NIF3L1: variants seen among roughly 807,000 people sequenced by gnomAD.
NIF3L1 encodes the protein NGG1 interacting factor 3 like 1, also known as NIF3-like protein 1.
Under a neutral mutation model 35.0 loss-of-function variants are expected in NIF3L1, and 26 were observed. The ratio of observed to expected loss-of-function variants is 0.74; its 90% CI spans 0.54 to 1.03. The LOEUF (loss-of-function observed/expected upper bound fraction) is 1.03, where lower values mean the gene tolerates loss of function less well. Among genes scored for constraint, NIF3L1 ranks in the 50% least tolerant of loss-of-function variants. The pLI is 0.00. For missense variants in NIF3L1, 449 were observed against 466.3 expected, an observed-to-expected ratio of 0.96 and a Z score of 0.34; for synonymous variants, 157 against 178.9, an observed-to-expected ratio of 0.88 and a Z score of 0.98.
chr2:200,900,244 G>A (rs17533364), intron 6 of NIF3L1, among the ~76,000 whole-genome samples: 4,205 of 152,120 alleles, frequency 0.028, 104 homozygotes, highest in Middle Eastern at 0.088. Flanking sequence ...TCTCATTTAG[G>A]ATACTACCTA....
rs908602163 is a variant in NIF3L1, at chr2:200,903,835, C to T, written c.*157C>T. 2.4e-5 allele frequency: 16 copies of T among 661,458 alleles called. No homozygotes were observed. Among genetic ancestry groups the T allele is most frequent in the African/African-American group, 1.3e-4 (7 of 55,722 alleles). 41.0% of individuals were successfully genotyped at this position (661,458 alleles called of 1,614,324 possible). A position where few individuals can be genotyped will look rare whatever the true frequency, so the allele number is the denominator to read the frequency against. ...CTTATTCACCAAATGTTCTATCGCT[C>T]GTAAGGTAAAACTGTAATATAACTA... On this transcript the variant is annotated 3_prime_UTR_variant, in exon 7 of 7. Transcript: ENST00000409020.
Position 200,892,269 on chromosome 2 carries a change from A to G in NIF3L1, c.326A>G (p.Lys109Arg). Reference sequence around the variant, plus strand: ...AAGCGCATAACCTGGAACACATGGAAGGAGCGCCTGGTGATCCGGGCTCTG... The same window carrying G: ...AAGCGCATAACCTGGAACACATGGAGGGAGCGCCTGGTGATCCGGGCTCTG... ...PMKRITWNTW[K>R]ERLVIRALEN... The change falls in exon 2 of 7, where the codon AAG becomes AGG. Residue 109 changes from lysine to arginine, a missense_variant. Physicochemically the swap from Lys to Arg is conservative, Grantham distance 26. Transcript: ENST00000409020. 1 of 1,614,180 alleles carries G rather than the reference A, an allele frequency of 6.2e-7. No homozygotes were observed. Among genetic ancestry groups the G allele is most frequent in the Non-Finnish European group, 8.5e-7 (1 of 1,180,036 alleles).
chr2:200,895,650 G>C lies in NIF3L1; in HGVS notation c.726+260G>C, dbSNP rs190961325. ...TCTAAAGTACAAAATGGCAATGAGA[G>C]CATAATATTCTCTAGGAAGTAATTG... On this transcript the variant is annotated intron_variant, in intron 4 of 6. Coordinates refer to ENST00000409020, the MANE Select transcript of NIF3L1 (RefSeq NM_001369441.2). Among the ~76,000 whole-genome samples the C allele has an allele frequency of 5.5e-4, 84 of 152,306 alleles. 1 individual carries two copies. Among genetic ancestry groups the C allele is most frequent in the Non-Finnish European group, 9.3e-4 (63 of 68,030 alleles).
At chr2:200,899,070 A>G (rs1244520246) in intron 5 of NIF3L1, 1 of 270,310 alleles carries the variant, frequency 3.7e-6, no homozygotes, top group East Asian at 8.3e-5. Flanking sequence ...ATAGATTAGC[A>G]TGGCCCCTAT....
intron 6 of NIF3L1, among the ~76,000 whole-genome samples, chr2:200,900,078 T>C (rs1350537157): frequency 3.9e-5 from 6 of 152,194 alleles, no homozygotes; most frequent in Non-Finnish European, 5.9e-5. Context: ...GAATGCCTTT[T>C]CCTTGTACTC....
chr2:200,903,894 T>A lies in NIF3L1; in HGVS notation c.*216T>A. The A allele has an allele frequency of 3.6e-6, 2 of 554,144 alleles. No individual in the cohort carries two copies. Among genetic ancestry groups the A allele is most frequent in the Non-Finnish European group, 6.5e-6 (2 of 308,524 alleles). The allele number at this position is 554,144 out of a possible 1,614,324, so 34.3% of individuals were successfully genotyped here. On this transcript the variant is annotated 3_prime_UTR_variant, in exon 7 of 7. Transcript: ENST00000409020. ...AATAACAAATGTTCATTATAAACTCTAGGAAAGATTGAATAAAATCTGTTT... is the reference window on the plus strand; with the variant it reads ...AATAACAAATGTTCATTATAAACTCAAGGAAAGATTGAATAAAATCTGTTT...
chr2:200,899,248 CAG>C, intron 5 of NIF3L1, 135 bp from the exon 6 acceptor site: 1 of 505,352 alleles, frequency 2.0e-6, no homozygotes, highest in East Asian at 3.2e-5. Flanking sequence ...TTTTAAAATG[CAG>C]TAAGAACAAT....
At chr2:200,898,020 TAA>T (rs2040347056) in intron 5 of NIF3L1, among the ~76,000 whole-genome samples, 1 of 152,210 alleles carries the variant, frequency 6.6e-6, no homozygotes, top group Non-Finnish European at 1.5e-5. Flanking sequence ...AAAACTGCAT[TAA>T]TAAAACCTAA....
chr2:200,892,569 C>A (rs1438052886), intron 2 of NIF3L1, among the ~76,000 whole-genome samples, 190 bp downstream of exon 2: 1 of 152,034 alleles, frequency 6.6e-6, no homozygotes, highest in Non-Finnish European at 1.5e-5. Context: ...ATTTTTTATT[C>A]TTATGGAGTA....
chr2:200,898,799 AT>A (rs1209414324), intron 5 of NIF3L1, among the ~76,000 whole-genome samples: 1 of 152,256 alleles, frequency 6.6e-6, no homozygotes, highest in East Asian at 1.9e-4. Flanking sequence ...ATATTTAAAA[AT>A]AGTGCCAAAT....
chr2:200,902,322 C>T (rs1575140375), intron 6 of NIF3L1, among the ~76,000 whole-genome samples: 3 of 152,328 alleles, frequency 2.0e-5, no homozygotes, highest in African/African-American at 7.2e-5. Flanking sequence ...AATCCCAGCA[C>T]TTTGGGAGGC....
At chr2:200,894,508 C>T (rs2040263236) in intron 3 of NIF3L1, among the ~76,000 whole-genome samples, 5 of 151,898 alleles carry the variant, frequency 3.3e-5, no homozygotes, top group Admixed American at 3.3e-4. Flanking sequence ...CCAAGTGATT[C>T]TCCTGCCTCA....
At chr2:200,894,034 C>T (rs932540878) in intron 3 of NIF3L1, among the ~76,000 whole-genome samples, 2 of 151,800 alleles carry the variant, frequency 1.3e-5, no homozygotes, top group Admixed American at 6.6e-5. Flanking sequence ...ATTAGCTGGG[C>T]GTAGTGGCGC....
Position 200,892,155 on chromosome 2 carries a change from A to G in NIF3L1, c.212A>G (p.Asn71Ser), listed in dbSNP as rs1238729243. ...PHTVNTLFLT[N>S]DLTEEVMEEV... Reference sequence around the variant, plus strand: ...ACTGTAAATACACTCTTCCTGACCAATGACCTGACTGAGGAAGTGATGGAG... The same window carrying G: ...ACTGTAAATACACTCTTCCTGACCAGTGACCTGACTGAGGAAGTGATGGAG... The change falls in exon 2 of 7, where the codon AAT becomes AGT. Residue 71 changes from asparagine (N) to serine (S), a missense_variant. Coordinates refer to ENST00000409020, the MANE Select transcript of NIF3L1 (RefSeq NM_001369441.2). 3 of 1,614,106 alleles carry G rather than the reference A, an allele frequency of 1.9e-6. No individual in the cohort carries two copies. Among genetic ancestry groups the G allele is most frequent in the East Asian group, 2.2e-5 (1 of 44,900 alleles).
intron 6 of NIF3L1, 115 bp from the exon 7 acceptor site, chr2:200,903,379 G>A (rs548142065): frequency 1.2e-5 from 9 of 781,384 alleles, no homozygotes; most frequent in Non-Finnish European, 1.7e-5. Context: ...AAACAGTTCT[G>A]CTCTATTACA....
chr2:200,895,401 T>C lies in NIF3L1; in HGVS notation c.726+11T>C, dbSNP rs376395372. 4.3e-6 allele frequency: 7 copies of C among 1,613,454 alleles called. No individual in the cohort carries two copies. Among genetic ancestry groups the C allele is most frequent in the Non-Finnish European group, 4.2e-6 (5 of 1,179,478 alleles). ...CTGTCACTGGAGAAGGTAATAAGAA[T>C]ATTTTGTATTTGATCTTAAAATACT... On this transcript the variant is annotated intron_variant, in intron 4 of 6. Transcript: ENST00000409020.
Position 200,901,782 on chromosome 2 carries a change from C to T in NIF3L1, c.950-1712C>T, listed in dbSNP as rs1419383812. Among the ~76,000 whole-genome samples, 4 of 152,224 alleles carry T rather than the reference C, an allele frequency of 2.6e-5. No homozygotes were observed. In the East Asian group the frequency reaches 5.8e-4, roughly 22 times the overall value. On this transcript the variant is annotated intron_variant, in intron 6 of 6. Coordinates refer to ENST00000409020, the MANE Select transcript of NIF3L1 (RefSeq NM_001369441.2). ...AGCTGCCATCCTGGGCCAAGCTTTT[C>T]TTTCCATTGGCTTCAGCTATTATTG... is the stretch of plus-strand genomic sequence containing the variant.
At chr2:200,900,658 ATG>A (rs2040397762) in intron 6 of NIF3L1, among the ~76,000 whole-genome samples, 1 of 152,232 alleles carries the variant, frequency 6.6e-6, no homozygotes, top group Non-Finnish European at 1.5e-5. Context: ...CAAAACATGT[ATG>A]TGACTATTAC....
intron 4 of NIF3L1, among the ~76,000 whole-genome samples, chr2:200,896,542 G>C (rs1252082500): frequency 6.6e-6 from 1 of 152,036 alleles, no homozygotes; most frequent in Non-Finnish European, 1.5e-5. Context: ...GTCATTCTTT[G>C]TGCTGCTGCA....
Sources: gnomAD v4.1 joint callset for allele counts (sites outside exome capture counted in the v4.1 genomes callset) on GRCh38, gnomAD v4.1.1 for gene constraint, MANE v1.5 for transcripts, NCBI Gene and HGNC (gene_info 2026-07-23, HGNC 2026-07-21) for gene names.